INTS9: variants seen among roughly 807,000 people sequenced by gnomAD.
INTS9 encodes the protein integrator complex subunit 9, also known as protein related to CPSF subunits of 74 kDa.
A neutral mutation model predicts 79.7 loss-of-function variants in INTS9; 55 were observed. That is an observed-to-expected ratio of 0.69 (90% CI 0.56 to 0.86). INTS9 has a LOEUF of 0.86. INTS9 is among the 40% of genes least tolerant of loss of function. INTS9 has a pLI of 0.00. For missense variants in INTS9, 721 were observed against 831.5 expected (o/e 0.87, Z 1.64); for synonymous variants, 319 against 325.2 (o/e 0.98, Z 0.20).
At chr8:28,836,146 C>G (rs1168690361) in intron 5 of INTS9, among the ~76,000 whole-genome samples, 4 of 152,134 alleles carry the variant, frequency 2.6e-5, no homozygotes, top group African/African-American at 9.7e-5. Context: ...AATAAGTTTT[C>G]TTGATATGTT....
At chr8:28,865,031 A>G (rs552640936) in intron 1 of INTS9, among the ~76,000 whole-genome samples, 2 of 152,106 alleles carry the variant, frequency 1.3e-5, no homozygotes, top group African/African-American at 4.8e-5. Context: ...CAGTTTTCAT[A>G]GTAAAAAAAT....
At chr8:28,836,857 C>T (rs568620439) in intron 5 of INTS9, among the ~76,000 whole-genome samples, 37 of 152,296 alleles carry the variant, frequency 2.4e-4, no homozygotes, top group African/African-American at 8.9e-4. Flanking sequence ...ATTTCATCTG[C>T]AAGGCTCTAG....
chr8:28,839,294 TACAA>T (rs1807014097), intron 4 of INTS9, among the ~76,000 whole-genome samples: 1 of 151,850 alleles, frequency 6.6e-6, no homozygotes, highest in African/African-American at 2.4e-5. Flanking sequence ...TAAAAGAGGA[TACAA>T]ACAAATGGAA....
intron 8 of INTS9, among the ~76,000 whole-genome samples, chr8:28,802,370 C>T (rs187015896): frequency 1.2e-3 from 185 of 152,272 alleles, no homozygotes; most frequent in African/African-American, 4.3e-3. Flanking sequence ...TGTTAAGAAC[C>T]ACTGCTCGAA....
At chr8:28,885,057 C>G (rs79486729) in intron 1 of INTS9, among the ~76,000 whole-genome samples, 3 of 152,270 alleles carry the variant, frequency 2.0e-5, no homozygotes, top group East Asian at 1.9e-4. Context: ...CAATTGCACT[C>G]GGTGTTTTAC....
rs542689992 is a variant in INTS9 at position 28,811,679 on chromosome 8, C to T, written c.744+648G>A. Among the ~76,000 whole-genome samples, 11 of 152,258 alleles carry T rather than the reference C, an allele frequency of 7.2e-5. No individual in the cohort carries two copies. The South Asian group carries it at 2.3e-3, about 32-fold the overall frequency. ...CAAGCAGTTATCCCATTTCGGCCTC[C>T]CAAAATGATGGGATTACAGGTATGA... On this transcript the variant is annotated intron_variant, in intron 8 of 16. Transcript: ENST00000521022.
chr8:28,818,809 G>A (rs1448674700), intron 6 of INTS9, among the ~76,000 whole-genome samples: 2 of 151,644 alleles, frequency 1.3e-5, no homozygotes, highest in Admixed American at 1.3e-4. Flanking sequence ...GTAAGCTATT[G>A]ATTATTGCCA....
intron 8 of INTS9, among the ~76,000 whole-genome samples, chr8:28,800,569 A>T (rs2130988607): frequency 6.6e-6 from 1 of 152,338 alleles, no homozygotes; most frequent in African/African-American, 2.4e-5. Flanking sequence ...TCAAACAGAC[A>T]GAGAACATTT....
intron 1 of INTS9, among the ~76,000 whole-genome samples, chr8:28,874,041 T>C (rs943407310): frequency 5.3e-5 from 8 of 152,228 alleles, no homozygotes; most frequent in Non-Finnish European, 1.2e-4. Context: ...AAATATCTTT[T>C]CTCCTATGTA....
At chr8:28,793,726 A>G (rs1804037222) in intron 10 of INTS9, 81 bp downstream of exon 10, 1 of 1,241,338 alleles carries the variant, frequency 8.1e-7, no homozygotes, top group African/African-American at 1.5e-5. Flanking sequence ...GTGAGAAAAA[A>G]CAGGATTATT....
At chr8:28,776,012 C>A in intron 13 of INTS9, 86 bp from the exon 14 acceptor site, 1 of 1,073,118 alleles carries the variant, frequency 9.3e-7, no homozygotes, top group Non-Finnish European at 1.3e-6. Context: ...CGATCCACTC[C>A]CCGCCATTAC....
chr8:28,787,807 C>T (rs1803699171), intron 11 of INTS9, 22 bp downstream of exon 11: 1 of 1,572,062 alleles, frequency 6.4e-7, no homozygotes, highest in Non-Finnish European at 8.7e-7. Context: ...CTTCCCATGT[C>T]CCAGTGATTT....
chr8:28,788,208 C>G (rs1480417928), intron 10 of INTS9, among the ~76,000 whole-genome samples: 1 of 152,200 alleles, frequency 6.6e-6, no homozygotes, highest in African/African-American at 2.4e-5. Flanking sequence ...GAGTTAACAT[C>G]TGATATGACT....
chr8:28,866,416 T>C (rs1041793234), intron 1 of INTS9, among the ~76,000 whole-genome samples: 1 of 152,160 alleles, frequency 6.6e-6, no homozygotes. Flanking sequence ...TCAGCTTATA[T>C]ATCTGTACTA....
intron 8 of INTS9, among the ~76,000 whole-genome samples, chr8:28,803,264 A>G (rs1400648094): frequency 6.6e-6 from 1 of 152,248 alleles, no homozygotes; most frequent in Non-Finnish European, 1.5e-5. Context: ...TTGAAATAAT[A>G]TGACTATTAA....
At chr8:28,882,532 T>TAAAAAAAAAAAAAAAA (rs369293166) in intron 1 of INTS9, among the ~76,000 whole-genome samples, 2 of 63,298 alleles carry the variant, frequency 3.2e-5, no homozygotes, top group Non-Finnish European at 6.1e-5. Flanking sequence ...TATTAACAGC[T>TAAAAAAAAAAAAAAAA]AAAAAAAAAA....
intron 11 of INTS9, among the ~76,000 whole-genome samples, chr8:28,785,451 T>C (rs1290592577): frequency 2.0e-5 from 3 of 152,226 alleles, no homozygotes; most frequent in Non-Finnish European, 4.4e-5. Context: ...CTCTTGCCTA[T>C]GTACTCAGTT....
chr8:28,888,668 C>G (rs910153318), intron 1 of INTS9, among the ~76,000 whole-genome samples: 1 of 152,196 alleles, frequency 6.6e-6, no homozygotes, highest in Non-Finnish European at 1.5e-5. Context: ...AACACACTGA[C>G]CCAGGGGTAA....
chr8:28,881,745 A>G (rs1304351954), intron 1 of INTS9, among the ~76,000 whole-genome samples: 1 of 145,742 alleles, frequency 6.9e-6, no homozygotes, highest in African/African-American at 2.5e-5. Context: ...CCCGTCCGGG[A>G]GGTGAGGGGC....
Sources: allele counts gnomAD v4.1 joint callset (sites outside exome capture counted in the v4.1 genomes callset), GRCh38; gene constraint gnomAD v4.1.1; transcripts MANE v1.5; gene names NCBI Gene and HGNC (gene_info 2026-07-23, HGNC 2026-07-21).